LNX1: variants seen among roughly 807,000 people sequenced by gnomAD.
LNX1 encodes ligand of numb-protein X 1.
A neutral mutation model predicts 68.4 loss-of-function variants in LNX1; 54 were observed. That is an observed-to-expected ratio of 0.79 (90% CI 0.63 to 0.99). The LOEUF is 0.99. Ranked by LOEUF, LNX1 falls within the 50% of genes least tolerant of loss-of-function variation. The probability of loss-of-function intolerance (pLI) is 0.00; values close to 1 mark genes in which losing one functional copy is unlikely to be tolerated. For missense variants in LNX1, 906 were observed against 926.4 expected (o/e 0.98, Z 0.29); for synonymous variants, 336 against 350.0 (o/e 0.96, Z 0.45).
intron 6 of LNX1, among the ~76,000 whole-genome samples, chr4:53,489,327 G>T (rs1309862441): frequency 6.6e-6 from 1 of 152,110 alleles, no homozygotes; most frequent in East Asian, 1.9e-4. Flanking sequence ...ATAGCTCCAT[G>T]TTCATCCTTA....
intron 9 of LNX1, among the ~76,000 whole-genome samples, chr4:53,466,579 C>G (rs1411458183): frequency 6.6e-6 from 1 of 152,218 alleles, no homozygotes; most frequent in Non-Finnish European, 1.5e-5. Flanking sequence ...AGGGAATTCC[C>G]TTTCCTAGTC....
intron 2 of LNX1, among the ~76,000 whole-genome samples, chr4:53,552,678 A>C (rs1323522911): frequency 2.6e-5 from 4 of 152,010 alleles, no homozygotes; most frequent in Non-Finnish European, 5.9e-5. Flanking sequence ...AAAATACAAA[A>C]ATTAGCCAGA....
chr4:53,495,547 G>GTTTTTTTT (rs1560626438), intron 6 of LNX1, among the ~76,000 whole-genome samples: 2 of 79,186 alleles, frequency 2.5e-5, no homozygotes, highest in African/African-American at 1.2e-4. Context: ...GCATGGCATA[G>GTTTTTTTT]CTTTTTTTTT....
rs1725036722 is a variant in LNX1 at position 53,496,094 on chromosome 4, C to T, written c.1279G>A (p.Asp427Asn). Residue 427 changes from aspartate (D) to asparagine (N), a missense_variant, in exon 6 of 11, where the codon GAC becomes AAC. Asp to Asn is a conservative substitution (Grantham distance 23, BLOSUM62 1). Coordinates refer to ENST00000263925, the MANE Select transcript of LNX1 (RefSeq NM_001126328.3). ...TGTCCATTGATGGCTAACACACGGT[C>T]ATTCTCCTCAAGCTGACCATGTCGA... Reference protein sequence around the residue: ...AYRHGQLEENDRVLAINGHDL... With the variant: ...AYRHGQLEENNRVLAINGHDL... 6.2e-7 allele frequency: 1 copy of T among 1,614,164 alleles called. No homozygotes were observed. Among genetic ancestry groups the T allele is most frequent in the Non-Finnish European group, 8.5e-7 (1 of 1,180,022 alleles).
At chr4:53,575,771 G>A in intron 1 of LNX1, 4 of 1,565,676 alleles carry the variant, frequency 2.6e-6, no homozygotes, top group Non-Finnish European at 3.5e-6. Context: ...AGTCACAGTG[G>A]CCGAGTGAGT....
chr4:53,552,145 G>A (rs1729556326), intron 2 of LNX1, among the ~76,000 whole-genome samples: 1 of 152,168 alleles, frequency 6.6e-6, no homozygotes, highest in African/African-American at 2.4e-5. Flanking sequence ...TGGCTTCCTG[G>A]GAAGTCAGTC....
At chr4:53,643,203 T>C (rs879779993) in intron 1 of LNX1, among the ~76,000 whole-genome samples, 5 of 151,880 alleles carry the variant, frequency 3.3e-5, no homozygotes, top group Non-Finnish European at 7.4e-5. Context: ...CAAGCTGGAG[T>C]GCAATGGCAC....
At chr4:53,559,874 C>A (rs1730162136) in intron 2 of LNX1, among the ~76,000 whole-genome samples, 1 of 151,808 alleles carries the variant, frequency 6.6e-6, no homozygotes, top group South Asian at 2.1e-4. Context: ...GTTGCCCAGG[C>A]TGGTCTTGAA....
chr4:53,626,382 G>T (rs997178682), intron 1 of LNX1, among the ~76,000 whole-genome samples: 6 of 152,132 alleles, frequency 3.9e-5, no homozygotes, highest in Non-Finnish European at 5.9e-5. Context: ...CACTTTAAAA[G>T]GGTAAATTTT....
intron 8 of LNX1, among the ~76,000 whole-genome samples, chr4:53,477,389 C>G (rs998780018): frequency 6.6e-6 from 1 of 152,104 alleles, no homozygotes; most frequent in African/African-American, 2.4e-5. Context: ...TGTAGTAGGC[C>G]TCCAGTAAAT....
chr4:53,570,565 A>C (rs1410726205), intron 2 of LNX1, among the ~76,000 whole-genome samples: 1 of 150,838 alleles, frequency 6.6e-6, no homozygotes, highest in East Asian at 2.0e-4. Context: ...CCTAATGCTA[A>C]ATGACGAGTT....
At chr4:53,590,228 A>C in intron 1 of LNX1, among the ~76,000 whole-genome samples, 1 of 152,302 alleles carries the variant, frequency 6.6e-6, no homozygotes, top group South Asian at 2.1e-4. Context: ...CTAAGGCAAA[A>C]ATGATCTCAG....
intron 1 of LNX1, among the ~76,000 whole-genome samples, chr4:53,588,721 G>T (rs78314539): frequency 0.015 from 2,217 of 152,240 alleles, 38 homozygotes; most frequent in African/African-American, 0.05. Context: ...ACATGCAGGG[G>T]GGTTGAGGTT....
chr4:53,576,015 C>T (rs4864801), intron 1 of LNX1: 384,373 of 1,566,440 alleles, frequency 0.25, 47,920 homozygotes, highest in African/African-American at 0.32. Context: ...ATCTTCCCCC[C>T]ACCAGCCTGA....
chr4:53,468,216 C>A (rs1722854741), intron 9 of LNX1, among the ~76,000 whole-genome samples: 1 of 152,144 alleles, frequency 6.6e-6, no homozygotes, highest in African/African-American at 2.4e-5. Context: ...GAATTTTCAA[C>A]CCAGAATTTC....
At chr4:53,529,669 TGAGA>T (rs1316627439) in intron 2 of LNX1, among the ~76,000 whole-genome samples, 1 of 152,074 alleles carries the variant, frequency 6.6e-6, no homozygotes, top group Non-Finnish European at 1.5e-5. Context: ...TCCCAGAGTG[TGAGA>T]GAGTCAGGAG....
At position 53,540,927 on chromosome 4, in the gene LNX1, A is replaced by G. The variant is rs575815269; in HGVS notation, c.380+32696T>C. Among the ~76,000 whole-genome samples the G allele has an allele frequency of 2.6e-5, 4 of 152,200 alleles. No individual in the cohort carries two copies. The East Asian group carries it at 7.8e-4, about 30-fold the overall frequency. Reference sequence around the variant, plus strand: ...TGAGACGGGCGGATCACTTGAGGTCAGGAGCTCAAGACTAGCCTGGCCAAC... The same window carrying G: ...TGAGACGGGCGGATCACTTGAGGTCGGGAGCTCAAGACTAGCCTGGCCAAC... On this transcript the variant is annotated intron_variant, in intron 2 of 10. Coordinates refer to ENST00000263925, the MANE Select transcript of LNX1 (RefSeq NM_001126328.3).
At chr4:53,601,142 C>T (rs1732997556) in intron 2 of LNX1, among the ~76,000 whole-genome samples, 2 of 151,626 alleles carry the variant, frequency 1.3e-5, no homozygotes, top group African/African-American at 2.4e-5. Context: ...AAGAGGCTTG[C>T]ATTTTGTATT....
chr4:53,576,528 AT>A, intron 1 of LNX1: 2 of 1,044,562 alleles, frequency 1.9e-6, no homozygotes, highest in Non-Finnish European at 2.5e-6. Flanking sequence ...TAGATCTTGT[AT>A]TTTAGGTTGG....
Sources: gnomAD v4.1 joint callset for allele counts (sites outside exome capture counted in the v4.1 genomes callset) on GRCh38, gnomAD v4.1.1 for gene constraint, MANE v1.5 for transcripts, NCBI Gene and HGNC (gene_info 2026-07-23, HGNC 2026-07-21) for gene names.